HOPX: variants seen among roughly 807,000 people sequenced by gnomAD.
The protein encoded by HOPX is HOP homeobox, also known as homeodomain-only protein.
Under a neutral mutation model 11.8 loss-of-function variants are expected in HOPX, and 5 were observed. The observed-to-expected ratio is 0.43, with a 90% confidence interval of 0.22 to 0.89. The LOEUF (loss-of-function observed/expected upper bound fraction) is 0.89. Ranked by LOEUF, HOPX falls within the 40% of genes least tolerant of loss-of-function variation. HOPX has a pLI of 0.28. For missense variants in HOPX, 119 were observed against 120.0 expected (o/e 0.99, Z 0.04); for synonymous variants, 49 against 49.7 (o/e 0.99, Z 0.06).
chr4:56,661,500 G>A (rs764448778), intron 1 of HOPX, among the ~76,000 whole-genome samples: 6 of 152,134 alleles, frequency 3.9e-5, no homozygotes, highest in Admixed American at 1.3e-4. Flanking sequence ...TAGAGTGTGT[G>A]CTGTTTAGCT....
chr4:56,672,761 C>G (rs1718806781), intron 1 of HOPX: 1 of 151,950 alleles, frequency 6.6e-6, no homozygotes, highest in Non-Finnish European at 1.5e-5. Flanking sequence ...TCCCAAAGTG[C>G]TGGGATTACA....
intron 1 of HOPX, among the ~76,000 whole-genome samples, chr4:56,670,641 A>C (rs1215524351): frequency 1.3e-5 from 2 of 152,200 alleles, no homozygotes; most frequent in African/African-American, 2.4e-5. Context: ...TATTTGTTGC[A>C]CGGAAGAGGA....
intron 1 of HOPX, among the ~76,000 whole-genome samples, chr4:56,659,707 G>C (rs1328147107): frequency 3.3e-5 from 5 of 152,160 alleles, no homozygotes; most frequent in Non-Finnish European, 5.9e-5. Context: ...TAGAAACCTA[G>C]CACGAGAGAG....
chr4:56,672,564 AG>A (rs2109542771), intron 1 of HOPX: 2 of 152,042 alleles, frequency 1.3e-5, no homozygotes, highest in South Asian at 4.1e-4. Flanking sequence ...AAAGAAAGAA[AG>A]AAAAGAAGAT....
chr4:56,658,604 C>T (rs929781825), intron 1 of HOPX, among the ~76,000 whole-genome samples: 16 of 152,226 alleles, frequency 1.1e-4, no homozygotes, highest in African/African-American at 3.6e-4. Context: ...TTTCTTCTCT[C>T]GCTCTGTCTC....
intron 3 of HOPX, among the ~76,000 whole-genome samples, chr4:56,652,888 T>C (rs996375770): frequency 1.3e-5 from 2 of 152,160 alleles, no homozygotes; most frequent in Non-Finnish European, 2.9e-5. Flanking sequence ...ACATTACTTA[T>C]ATGTAGGCCC....
intron 2 of HOPX, chr4:56,656,294 C>G (rs1717727775): frequency 8.8e-7 from 1 of 1,134,048 alleles, no homozygotes; most frequent in Non-Finnish European, 1.1e-6. Flanking sequence ...GGAACTGTAT[C>G]CCTGCCTGCG....
intron 1 of HOPX, among the ~76,000 whole-genome samples, chr4:56,658,145 G>GA (rs1367585661): frequency 6.6e-6 from 1 of 152,154 alleles, no homozygotes; most frequent in Non-Finnish European, 1.5e-5. Flanking sequence ...GCTCTTCCAT[G>GA]AAAATTTTGT....
chr4:56,668,451 C>T (rs1718554440), intron 1 of HOPX, among the ~76,000 whole-genome samples: 3 of 152,234 alleles, frequency 2.0e-5, no homozygotes, highest in African/African-American at 7.2e-5. Flanking sequence ...TTTCCCTACC[C>T]AACCACCAAG....
chr4:56,656,418 A>T (rs1717742220), intron 2 of HOPX: 15 of 990,710 alleles, frequency 1.5e-5, no homozygotes, highest in Non-Finnish European at 1.8e-5. Flanking sequence ...TCCTCCCGAA[A>T]GGGGGACCTC....
chr4:56,650,631 A>C, intron 3 of HOPX: 1 of 1,543,306 alleles, frequency 6.5e-7, no homozygotes, highest in Non-Finnish European at 8.8e-7. Flanking sequence ...CCACCTGTAC[A>C]GCAGAGTTTA....
intron 2 of HOPX, 116 bp from the exon 3 acceptor site, chr4:56,656,128 C>G: frequency 8.1e-7 from 1 of 1,234,520 alleles, no homozygotes; most frequent in Non-Finnish European, 1.0e-6. Flanking sequence ...CCCCCTCCAG[C>G]GGTGCCACGG....
At chr4:56,661,749 G>A (rs1398161012) in intron 1 of HOPX, among the ~76,000 whole-genome samples, 1 of 152,146 alleles carries the variant, frequency 6.6e-6, no homozygotes, top group Non-Finnish European at 1.5e-5. Flanking sequence ...CATGTTTACT[G>A]TTTACTGTGT....
chr4:56,675,933 A>G (rs1291032685), intron 1 of HOPX, among the ~76,000 whole-genome samples: 1 of 151,782 alleles, frequency 6.6e-6, no homozygotes, highest in Non-Finnish European at 1.5e-5. Flanking sequence ...GCCATAGGTC[A>G]TCCTTCTACC....
In HOPX at chr4:56,651,868, G is replaced by GTGTGTGTGTT. The variant is rs1475500441; in HGVS notation, c.199-3072_199-3071insAACACACACA. 1.7e-3 allele frequency among the ~76,000 whole-genome samples: 201 copies of GTGTGTGTGTT among 120,348 alleles called. 1 individual carries two copies. The highest frequency in any genetic ancestry group is 3.6e-3 in the African/African-American group (109 of 30,548). The allele number at this position is 120,348 out of a possible 152,430, so 79.0% of individuals were successfully genotyped here. ...AAAGGGAGAGAGAGAAAGAGAGAGAGAGAGAGTGTGTGTGTGTGTGTGTGT... is the reference window on the plus strand; with the variant it reads ...AAAGGGAGAGAGAGAAAGAGAGAGAGTGTGTGTGTTAGAGAGTGTGTGTGTGTGTGTGTGT... On this transcript the variant is annotated intron_variant, in intron 3 of 3. Transcript: ENST00000420433.
intron 1 of HOPX, chr4:56,672,576 G>A (rs192056936): frequency 2.0e-5 from 3 of 151,644 alleles, no homozygotes; most frequent in East Asian, 3.9e-4. Flanking sequence ...AAAAGAAGAT[G>A]ACATTGAATG....
chr4:56,668,802 G>A (rs1320673671), intron 1 of HOPX, among the ~76,000 whole-genome samples: 2 of 152,220 alleles, frequency 1.3e-5, no homozygotes, highest in Non-Finnish European at 2.9e-5. Flanking sequence ...CTGGTATGGA[G>A]TCATAGGATG....
intron 2 of HOPX, chr4:56,656,388 G>C (rs1717740633): frequency 1.0e-6 from 1 of 1,004,446 alleles, no homozygotes; most frequent in Non-Finnish European, 1.2e-6. Context: ...GGGTGATTTT[G>C]AGAAATCCCC....
chr4:56,663,032 C>G (rs1409561448), intron 1 of HOPX: 1 of 152,192 alleles, frequency 6.6e-6, no homozygotes, highest in Non-Finnish European at 1.5e-5. Context: ...CTAACACCTA[C>G]TTGACATTAG....
Sources: gnomAD v4.1 joint callset for allele counts (sites outside exome capture counted in the v4.1 genomes callset) on GRCh38, gnomAD v4.1.1 for gene constraint, MANE v1.5 for transcripts, NCBI Gene and HGNC (gene_info 2026-07-23, HGNC 2026-07-21) for gene names.